Variants in EBF3 observed in about 807,000 individuals in gnomAD.
The protein encoded by EBF3 is EBF transcription factor 3.
In EBF3, 18 loss-of-function variants were observed where a neutral mutation model predicts 77.1. The observed-to-expected ratio is 0.23, with a 90% confidence interval of 0.16 to 0.35. The LOEUF is 0.35. Among genes scored for constraint, EBF3 ranks in the 10% least tolerant of loss-of-function variants. EBF3 has a pLI of 1.00. For synonymous variants in EBF3, 350 were observed against 343.5 expected (o/e 1.02, Z -0.21); for missense variants, 558 against 860.0 (o/e 0.65, Z 4.39).
At chr10:129,956,695 G>A (rs1859062494) in intron 6 of EBF3, among the ~76,000 whole-genome samples, 1 of 152,198 alleles carries the variant, frequency 6.6e-6, no homozygotes, top group South Asian at 2.1e-4. Context: ...CATGTAACCA[G>A]CATGTGTAAT....
At chr10:129,929,241 G>C (rs2134407452) in intron 6 of EBF3, among the ~76,000 whole-genome samples, 1 of 152,080 alleles carries the variant, frequency 6.6e-6, no homozygotes, top group East Asian at 1.9e-4. Context: ...GTCTGGCTTT[G>C]TCACCCAGGC....
chr10:129,930,874 C>T (rs957552772), intron 6 of EBF3, among the ~76,000 whole-genome samples: 7 of 148,094 alleles, frequency 4.7e-5, no homozygotes, highest in Non-Finnish European at 1.0e-4. Context: ...ACAAATCCCC[C>T]TCTCATATAC....
intron 8 of EBF3, among the ~76,000 whole-genome samples, 184 bp downstream of exon 8, chr10:129,873,268 A>G (rs1852529874): frequency 6.6e-6 from 1 of 152,256 alleles, no homozygotes; most frequent in Non-Finnish European, 1.5e-5. Flanking sequence ...ATAAAGGAGA[A>G]GAGAAAGCCT....
chr10:129,903,799 A>G (rs1173036674), intron 6 of EBF3, among the ~76,000 whole-genome samples: 1 of 152,162 alleles, frequency 6.6e-6, no homozygotes, highest in African/African-American at 2.4e-5. Context: ...TGGAATTTTA[A>G]TTGCTGCAAA....
At position 129,935,555 on chromosome 10, in the gene EBF3, G is replaced by A. The variant is rs1332782234; in HGVS notation, c.554+21703C>T. 1.3e-5 allele frequency among the ~76,000 whole-genome samples: 2 copies of A among 152,202 alleles called. No individual in the cohort carries two copies. Among genetic ancestry groups the A allele is most frequent in the Non-Finnish European group, 2.9e-5 (2 of 68,044 alleles). On this transcript the variant is annotated intron_variant, in intron 6 of 16. Coordinates refer to ENST00000440978, the MANE Select transcript of EBF3 (RefSeq NM_001375380.1). The surrounding 1 kb of genome is among the most constrained non-coding windows in gnomAD (Gnocchi z 4.2). ...ACTGCGGAGCACCAAGCACCCATAT[G>A]TAAGGCATGGGGTTAGATACATGCA...
rs115953181 is a variant in EBF3, at chr10:129,926,489, G to A, written c.554+30769C>T. ...TGGGCTGAAACTCTTAGGACAATCC[G>A]CGGTGCATGGACCACTCAGCCCAAA... On this transcript the variant is annotated intron_variant, in intron 6 of 16. Transcript: ENST00000440978. 3.0e-3 allele frequency among the ~76,000 whole-genome samples: 451 copies of A among 152,228 alleles called. 3 individuals are homozygous for A. Among genetic ancestry groups the A allele is most frequent in the African/African-American group, 0.01 (435 of 41,538 alleles).
rs193252700 is a variant in EBF3 at position 129,901,138 on chromosome 10, T to C, written c.555-23289A>G. On this transcript the variant is annotated intron_variant, in intron 6 of 16. Transcript: ENST00000440978. Reference sequence around the variant, plus strand: ...CTTCCAGGTCAGACAGTCAAGTACATCTGGAGTGTCTCATCCAAGTGGCTG... The same window carrying C: ...CTTCCAGGTCAGACAGTCAAGTACACCTGGAGTGTCTCATCCAAGTGGCTG... Among the ~76,000 whole-genome samples the C allele has an allele frequency of 4.6e-5, 7 of 152,340 alleles. No homozygotes were observed. In the East Asian group the frequency reaches 1.2e-3, roughly 25 times the overall value.
chr10:129,887,468 T>C (rs1453023655), intron 6 of EBF3, among the ~76,000 whole-genome samples: 1 of 152,176 alleles, frequency 6.6e-6, no homozygotes, highest in African/African-American at 2.4e-5. Context: ...AGAGGCAACC[T>C]TTCTGCCTGG....
At chr10:129,945,162 A>G (rs996090189) in intron 6 of EBF3, among the ~76,000 whole-genome samples, 1 of 24,450 alleles carries the variant, frequency 4.1e-5, no homozygotes, top group Non-Finnish European at 6.9e-5. Context: ...AGAAGAGGGG[A>G]GGGGAGAGGA....
chr10:129,956,764 C>T (rs565632050), intron 6 of EBF3, among the ~76,000 whole-genome samples: 1 of 152,224 alleles, frequency 6.6e-6, no homozygotes, highest in East Asian at 1.9e-4. Context: ...TGACATAAAA[C>T]GACAGCTACA....
At chr10:129,932,385 A>C (rs991262184) in intron 6 of EBF3, among the ~76,000 whole-genome samples, 1 of 152,192 alleles carries the variant, frequency 6.6e-6, no homozygotes, top group Non-Finnish European at 1.5e-5. Context: ...GCATGTGGCA[A>C]AGGGTGCCCC....
rs1272769506 is a variant in EBF3 at position 129,962,167 on chromosome 10, T to C, written c.411+4A>G. The C allele has an allele frequency of 6.2e-7, 1 of 1,614,006 alleles. No individual in the cohort carries two copies. ...AACTCGTGCAGAGGCATAAACTTTC[T>C]CACCTGTTTGGTCATTGAATCTATG... On this transcript the variant is annotated splice_donor_region_variant and intron_variant, in intron 4 of 16. Coordinates refer to ENST00000440978, the MANE Select transcript of EBF3 (RefSeq NM_001375380.1).
At chr10:129,929,407 T>A (rs1411860863) in intron 6 of EBF3, among the ~76,000 whole-genome samples, 3 of 152,198 alleles carry the variant, frequency 2.0e-5, no homozygotes, top group African/African-American at 7.2e-5. Context: ...GGTTTCACCA[T>A]GTTGCCCAGG....
At chr10:129,857,702 G>A (rs751343698) in intron 10 of EBF3, among the ~76,000 whole-genome samples, 1 of 152,146 alleles carries the variant, frequency 6.6e-6, no homozygotes, top group Admixed American at 6.5e-5. Context: ...ACCAGGCCCC[G>A]GGCTGCCAGG....
chr10:129,939,202 G>T (rs982433728), intron 6 of EBF3, among the ~76,000 whole-genome samples: 4 of 152,172 alleles, frequency 2.6e-5, no homozygotes, highest in Non-Finnish European at 5.9e-5. Flanking sequence ...CTGTGTTCGA[G>T]CACACTCTGG....
rs189585133 is a variant in EBF3, at chr10:129,935,096, G to T, written c.554+22162C>A. Reference sequence around the variant, plus strand: ...CATCCTAACACATTAGCTGTAGCTGGTGGTCCGGTTCCCTAAGAACCGGAC... The same window carrying T: ...CATCCTAACACATTAGCTGTAGCTGTTGGTCCGGTTCCCTAAGAACCGGAC... On this transcript the variant is annotated intron_variant, in intron 6 of 16. Transcript: ENST00000440978. The surrounding 1 kb of genome is among the most constrained non-coding windows in gnomAD (Gnocchi z 4.2). Among the ~76,000 whole-genome samples the T allele has an allele frequency of 3.5e-3, 534 of 152,248 alleles. 4 individuals are homozygous for T. The highest frequency in any genetic ancestry group is 0.013 in the African/African-American group (522 of 41,532).
intron 6 of EBF3, among the ~76,000 whole-genome samples, chr10:129,887,204 C>A (rs1853669906): frequency 6.6e-6 from 1 of 152,204 alleles, no homozygotes; most frequent in Non-Finnish European, 1.5e-5. Context: ...GCCACTCGGC[C>A]CAACTTTGCA....
intron 4 of EBF3, among the ~76,000 whole-genome samples, chr10:129,961,639 G>A (rs549900253): frequency 2.6e-5 from 4 of 152,148 alleles, no homozygotes; most frequent in Admixed American, 6.5e-5. Flanking sequence ...GAGCTGGGGG[G>A]CTGCGAGGTG....
At chr10:129,896,425 C>T (rs996034614) in intron 6 of EBF3, among the ~76,000 whole-genome samples, 45 of 152,140 alleles carry the variant, frequency 3.0e-4, no homozygotes, top group Non-Finnish European at 4.6e-4. Context: ...CCCGGCCACG[C>T]GGCCACCGTC....
Sources: gnomAD v4.1 joint callset for allele counts (sites outside exome capture counted in the v4.1 genomes callset) on GRCh38, gnomAD v4.1.1 for gene constraint, Gnocchi (gnomAD v3.1) non-coding constraint, MANE v1.5 for transcripts, NCBI Gene and HGNC (gene_info 2026-07-23, HGNC 2026-07-21) for gene names.